The following CFAP251 variants were observed in gnomAD, a reference collection of about 807,000 sequenced individuals.
CFAP251 encodes cilia- and flagella-associated protein 251.
A neutral mutation model predicts 126.7 loss-of-function variants in CFAP251; 93 were observed. The ratio of observed to expected loss-of-function variants is 0.73; its 90% CI spans 0.62 to 0.87. CFAP251 has a LOEUF of 0.87. Among genes scored for constraint, CFAP251 ranks in the 40% least tolerant of loss-of-function variants. CFAP251 has a pLI of 0.00. For missense variants in CFAP251, 1,287 were observed against 1,389.2 expected (o/e 0.93, Z 1.17); for synonymous variants, 503 against 506.9 (o/e 0.99, Z 0.10).
Position 122,003,676 on chromosome 12 carries a change from A to C in CFAP251, c.3362A>C (p.Glu1121Ala). The C allele has an allele frequency of 1.1e-5, 17 of 1,610,786 alleles. No homozygotes were observed. The highest frequency in any genetic ancestry group is 1.4e-5 in the Non-Finnish European group (16 of 1,179,178). The part of the protein sequence containing the change: ...VKGSEICLEE[E>A]LPDEITAEIF... ...GGTTCAGAAATTTGCCTTGAAGAAG[A>C]ACTTCCAGACGAAATCACTGCAGAA... The change falls in exon 22 of 22, where the codon GAA becomes GCA. Residue 1121 changes from glutamate to alanine, a missense_variant. By Grantham distance (107) the Glu-to-Ala change is moderately radical. Transcript: ENST00000288912.
intron 8 of CFAP251, chr12:121,950,544 T>C (rs1485025179): frequency 1.3e-5 from 2 of 152,142 alleles, no homozygotes; most frequent in Non-Finnish European, 2.9e-5. Context: ...TTATTTAAGA[T>C]ATTTATTATA....
Position 121,954,159 on chromosome 12 carries a change from T to A in CFAP251, c.1360T>A (p.Phe454Ile). Residue 454 changes from phenylalanine to isoleucine, a missense_variant, in exon 10 of 22, where the codon TTT becomes ATT. Phe to Ile is a conservative substitution (Grantham distance 21). Coordinates refer to ENST00000288912, the MANE Select transcript of CFAP251 (RefSeq NM_144668.6). The part of the protein sequence containing the change: ...KLVGKFSQSI[F>I]HLNLTQILSA... ...TGTGGGAAAGTTTAGCCAGTCCATCTTTCACTTGAATTTAACACAAATACT... is the reference window on the plus strand; with the variant it reads ...TGTGGGAAAGTTTAGCCAGTCCATCATTCACTTGAATTTAACACAAATACT... 6.2e-7 allele frequency: 1 copy of A among 1,614,188 alleles called. No individual in the cohort carries two copies. The highest frequency in any genetic ancestry group is 8.5e-7 in the Non-Finnish European group (1 of 1,180,026).
chr12:121,955,180 G>A (rs1053420054), intron 10 of CFAP251, among the ~76,000 whole-genome samples: 1 of 152,156 alleles, frequency 6.6e-6, no homozygotes, highest in African/African-American at 2.4e-5. Flanking sequence ...TGTAATCCCA[G>A]CATCTTGGGA....
intron 17 of CFAP251, among the ~76,000 whole-genome samples, chr12:121,970,788 C>T (rs1282680829): frequency 1.3e-5 from 2 of 152,354 alleles, no homozygotes; most frequent in East Asian, 3.9e-4. Flanking sequence ...TTGCTGTCTA[C>T]TTGGCCCTGC....
chr12:121,968,637 G>A (rs914910947), intron 17 of CFAP251, among the ~76,000 whole-genome samples: 6 of 151,748 alleles, frequency 4.0e-5, no homozygotes, highest in Non-Finnish European at 8.8e-5. Flanking sequence ...GAGGTGAAAG[G>A]GATAATATGA....
intron 2 of CFAP251, among the ~76,000 whole-genome samples, chr12:121,922,828 C>T (rs1366071222): frequency 3.3e-5 from 5 of 152,084 alleles, no homozygotes; most frequent in African/African-American, 9.7e-5. Context: ...CTCGCTCTGT[C>T]GCCCAGGCTG....
chr12:121,925,049 C>T (rs1880357473), intron 3 of CFAP251, among the ~76,000 whole-genome samples: 1 of 151,488 alleles, frequency 6.6e-6, no homozygotes, highest in South Asian at 2.1e-4. Context: ...CATTGTAAAA[C>T]TCCTCCTTCA....
At chr12:121,970,224 C>T (rs1265341525) in intron 17 of CFAP251, among the ~76,000 whole-genome samples, 1 of 152,120 alleles carries the variant, frequency 6.6e-6, no homozygotes, top group Admixed American at 6.5e-5. Context: ...TCATTCCGCA[C>T]GCCCCTTCTT....
chr12:121,935,918 A>T (rs1459390283), intron 5 of CFAP251, among the ~76,000 whole-genome samples: 1 of 152,156 alleles, frequency 6.6e-6, no homozygotes, highest in Non-Finnish European at 1.5e-5. Flanking sequence ...GTCATCCGGT[A>T]TTGCCTTTCT....
intron 19 of CFAP251, chr12:121,997,729 T>C (rs917733192): frequency 6.6e-6 from 1 of 151,968 alleles, no homozygotes; most frequent in Non-Finnish European, 1.5e-5. Flanking sequence ...TGTTCACTGC[T>C]AGTGTGTAAA....
chr12:121,939,516 C>T (rs1192770171), intron 5 of CFAP251, among the ~76,000 whole-genome samples: 2 of 151,952 alleles, frequency 1.3e-5, no homozygotes, highest in African/African-American at 4.9e-5. Context: ...AGAGCTGCCC[C>T]GTTATGATGT....
chr12:121,999,939 C>T lies in CFAP251; in HGVS notation c.3230C>T (p.Thr1077Ile), dbSNP rs745790305. The T allele has an allele frequency of 6.2e-7, 1 of 1,611,832 alleles. No homozygotes were observed. Among genetic ancestry groups the T allele is most frequent in the Non-Finnish European group, 8.5e-7 (1 of 1,178,052 alleles). The change falls in exon 20 of 22, where the codon ACT becomes ATT. Residue 1077 changes from threonine (T) to isoleucine (I), a missense_variant. Physicochemically the swap from Thr to Ile is moderately conservative, Grantham distance 89. Coordinates refer to ENST00000288912, the MANE Select transcript of CFAP251 (RefSeq NM_144668.6). ...RREDFLRLLV[T>I]KGEHMTEEEM... ...GAGGACTTCCTGAGACTGCTCGTTA[C>T]TAAAGGTAAGCACATACATCAGGAT...
chr12:121,969,141 G>C, intron 17 of CFAP251: 1 of 985,374 alleles, frequency 1.0e-6, no homozygotes, highest in Non-Finnish European at 1.2e-6. Flanking sequence ...CTGATTCCTG[G>C]CTGCCAGCAC....
intron 14 of CFAP251, among the ~76,000 whole-genome samples, 195 bp downstream of exon 14, chr12:121,960,953 G>A (rs1163621782): frequency 6.6e-6 from 1 of 152,208 alleles, no homozygotes; most frequent in Non-Finnish European, 1.5e-5. Context: ...GGGGACTCCT[G>A]TGCTGAACGA....
chr12:121,964,379 A>T (rs1458721249), intron 15 of CFAP251, among the ~76,000 whole-genome samples: 2 of 152,316 alleles, frequency 1.3e-5, no homozygotes, highest in African/African-American at 4.8e-5. Context: ...AATATCTCTC[A>T]GATATGCGCA....
chr12:121,920,029 C>A (rs541940636), intron 1 of CFAP251, among the ~76,000 whole-genome samples: 23 of 151,688 alleles, frequency 1.5e-4, no homozygotes, highest in African/African-American at 4.6e-4. Flanking sequence ...TGAAAAAATA[C>A]AAAAATTAGC....
chr12:122,000,083 C>G, intron 20 of CFAP251, 139 bp downstream of exon 20: 2 of 730,628 alleles, frequency 2.7e-6, no homozygotes, highest in Non-Finnish European at 4.4e-6. Context: ...CATGAGGGGT[C>G]TGGCTGACCC....
At chr12:121,963,254 G>A (rs1882008057) in intron 15 of CFAP251, among the ~76,000 whole-genome samples, 1 of 152,120 alleles carries the variant, frequency 6.6e-6, no homozygotes, top group African/African-American at 2.4e-5. Context: ...GCTAATGGAG[G>A]GAACAGGAGG....
At chr12:121,936,139 A>G (rs1880886832) in intron 5 of CFAP251, among the ~76,000 whole-genome samples, 1 of 152,202 alleles carries the variant, frequency 6.6e-6, no homozygotes, top group South Asian at 2.1e-4. Flanking sequence ...TGTTCTTGCT[A>G]TGGTATTTTT....
Sources: gnomAD v4.1 joint callset for allele counts (sites outside exome capture counted in the v4.1 genomes callset) on GRCh38, gnomAD v4.1.1 for gene constraint, MANE v1.5 for transcripts, NCBI Gene and HGNC (gene_info 2026-07-23, HGNC 2026-07-21) for gene names.